SLC12A5: variants seen among roughly 807,000 people sequenced by gnomAD.
The protein encoded by SLC12A5 is K-Cl cotransporter 2.
A neutral mutation model predicts 124.0 loss-of-function variants in SLC12A5; 18 were observed. That is an observed-to-expected ratio of 0.15 (90% confidence interval 0.10 to 0.22). The LOEUF (loss-of-function observed/expected upper bound fraction) is 0.22, where lower values mean the gene tolerates loss of function less well. Ranked by LOEUF, SLC12A5 falls within the 10% of genes least tolerant of loss-of-function variation. The probability of loss-of-function intolerance (pLI) is 1.00; values close to 1 mark genes in which losing one functional copy is unlikely to be tolerated. For synonymous variants in SLC12A5, 589 were observed against 568.0 expected (o/e 1.04, Z -0.53); for missense variants, 867 against 1,478.7 (o/e 0.59, Z 6.78).
chr20:46,036,264 C>G (rs552981372), intron 4 of SLC12A5: 1 of 275,018 alleles, frequency 3.6e-6, no homozygotes, highest in Non-Finnish European at 6.9e-6. Flanking sequence ...AATGAGATTA[C>G]ATGTCACAAA....
intron 18 of SLC12A5, among the ~76,000 whole-genome samples, chr20:46,052,375 T>C (rs1015091624): frequency 1.3e-5 from 2 of 152,254 alleles, no homozygotes; most frequent in Admixed American, 1.3e-4. Flanking sequence ...TCCATCTTTT[T>C]TGATGTGAAA....
At position 46,041,554 on chromosome 20, in the gene SLC12A5, C is replaced by T. The variant is rs1324741256; in HGVS notation, c.1066+14C>T. On this transcript the variant is annotated intron_variant, in intron 8 of 25. Transcript: ENST00000243964. ...GCCTCATCAAAGGTCTGCGGAGGGA[C>T]AAGGGCTGGCATCCAGGGAACGCTG... 1.2e-6 allele frequency: 2 copies of T among 1,612,940 alleles called. No homozygotes were observed. Among genetic ancestry groups the T allele is most frequent in the East Asian group, 2.2e-5 (1 of 44,872 alleles).
In SLC12A5 at chr20:46,056,900, G is replaced by A; in HGVS notation, c.3114G>A (p.Glu1038=). ...GCATCTCTTGTGTTTCCTGAAGGGAGTGGGAGAACTTGTAAGTGCTTCAGC... is the reference window on the plus strand; with the variant it reads ...GCATCTCTTGTGTTTCCTGAAGGGAATGGGAGAACTTGTAAGTGCTTCAGC... ...GIKDFFSMKP[E]WENLNQSNVR... Residue 1038 remains glutamate (E), a synonymous_variant, in exon 24 of 26, where the codon GAG becomes GAA. Transcript: ENST00000243964. The surrounding 1 kb of genome is among the most constrained non-coding windows in gnomAD (Gnocchi z 4.3). 1 of 1,614,126 alleles carries A rather than the reference G, an allele frequency of 6.2e-7. No individual in the cohort carries two copies. Among genetic ancestry groups the A allele is most frequent in the East Asian group, 2.2e-5 (1 of 44,888 alleles).
upstream of SLC12A5, among the ~76,000 whole-genome samples, chr20:46,028,312 G>T (rs2145472121): frequency 6.6e-6 from 1 of 152,218 alleles, no homozygotes; most frequent in Non-Finnish European, 1.5e-5. Flanking sequence ...CTCAGGACCG[G>T]CCTGTCCTCC....
intron 21 of SLC12A5, chr20:46,055,875 T>G (rs942856063): frequency 2.3e-6 from 1 of 442,684 alleles, no homozygotes; most frequent in Non-Finnish European, 4.1e-6. Context: ...ACCAGTGGAC[T>G]GAGGACTGAC....
chr20:46,030,429 G>A (rs2084438664), intron 1 of SLC12A5, among the ~76,000 whole-genome samples: 2 of 151,930 alleles, frequency 1.3e-5, no homozygotes, highest in Non-Finnish European at 2.9e-5. Flanking sequence ...TCCTTGCTCC[G>A]AGGTCTTGGG....
Position 46,045,389 on chromosome 20 carries a change from G to A in SLC12A5, c.1569+249G>A, listed in dbSNP as rs772335618. Among the ~76,000 whole-genome samples the A allele has an allele frequency of 6.6e-5, 10 of 152,200 alleles. No homozygotes were observed. Among genetic ancestry groups the A allele is most frequent in the Non-Finnish European group, 1.5e-4 (10 of 68,032 alleles). On this transcript the variant is annotated intron_variant, in intron 12 of 25. Coordinates refer to ENST00000243964, the MANE Select transcript of SLC12A5 (RefSeq NM_020708.5). The surrounding 1 kb of genome is among the most constrained non-coding windows in gnomAD (Gnocchi z 4.9). ...GGCTTCTCCTTCACCCAGATGGAAG[G>A]ATAAGTGTGTCTTACTTGGGATTTG... is the stretch of plus-strand genomic sequence containing the variant.
intron 18 of SLC12A5, 78 bp downstream of exon 18, chr20:46,051,948 T>A: frequency 2.4e-6 from 3 of 1,261,542 alleles, no homozygotes; most frequent in Non-Finnish European, 3.2e-6. Flanking sequence ...TTTCCGCTCC[T>A]TTGGGCCTGA....
intron 8 of SLC12A5, among the ~76,000 whole-genome samples, chr20:46,041,930 G>GGT (rs1015141967): frequency 6.6e-6 from 1 of 152,018 alleles, no homozygotes; most frequent in African/African-American, 2.4e-5. Flanking sequence ...AATGCCCGGG[G>GGT]GGGGAGAGTT....
In SLC12A5 at chr20:46,045,215, C is replaced by A. The variant is rs1241157757; in HGVS notation, c.1569+75C>A. 1.3e-6 allele frequency: 2 copies of A among 1,483,198 alleles called. No individual in the cohort carries two copies. The highest frequency in any genetic ancestry group is 2.3e-5 in the East Asian group (1 of 43,490). 91.9% of individuals were successfully genotyped at this position (1,483,198 alleles called of 1,614,324 possible). A position where few individuals can be genotyped will look rare whatever the true frequency, so the allele number is the denominator to read the frequency against. On this transcript the variant is annotated intron_variant, in intron 12 of 25. Coordinates refer to ENST00000243964, the MANE Select transcript of SLC12A5 (RefSeq NM_020708.5). The surrounding 1 kb of genome is among the most constrained non-coding windows in gnomAD (Gnocchi z 4.9). ...TGCCCAGAGAGACCACACAGTGACC[C>A]AGGGCCATAACCAGCCTTAGACTAC...
chr20:46,048,413 G>A (rs968363751), intron 16 of SLC12A5, among the ~76,000 whole-genome samples: 1 of 152,082 alleles, frequency 6.6e-6, no homozygotes, highest in East Asian at 1.9e-4. Context: ...CTAGTCTCTG[G>A]GGATGTAGGA....
At position 46,035,863 on chromosome 20, in the gene SLC12A5, G is replaced by C; in HGVS notation, c.366G>C (p.Trp122Cys). ...TCATCCTCTTCCTGCGGCTCACCTG[G>C]GTGGTGGGCATTGCAGGCATCATGG... Reference protein sequence around the residue: ...FGVILFLRLTWVVGIAGIMES... With the variant: ...FGVILFLRLTCVVGIAGIMES... The change falls in exon 4 of 26, where the codon TGG becomes TGC. Residue 122 changes from tryptophan to cysteine, a missense_variant. Trp to Cys is a radical substitution (Grantham distance 215). Around this residue, in one of 9 missense-constraint regions of SLC12A5, gnomAD observed 126 missense variants for 291.6 expected, o/e 0.43. Coordinates refer to ENST00000243964, the MANE Select transcript of SLC12A5 (RefSeq NM_020708.5). 6.2e-7 allele frequency: 1 copy of C among 1,614,138 alleles called. No homozygotes were observed. Among genetic ancestry groups the C allele is most frequent in the Non-Finnish European group, 8.5e-7 (1 of 1,179,984 alleles).
downstream of SLC12A5, chr20:46,023,643 C>T (rs1234557221): frequency 1.0e-5 from 4 of 393,882 alleles, no homozygotes; most frequent in African/African-American, 2.1e-5. Context: ...TCTCCCACCT[C>T]CATCAGCCAG....
intron 1 of SLC12A5, among the ~76,000 whole-genome samples, chr20:46,030,090 T>G (rs1351845947): frequency 6.6e-6 from 1 of 152,018 alleles, no homozygotes; most frequent in Admixed American, 6.5e-5. Flanking sequence ...CTCCATAGAT[T>G]TTCAGCTCTA....
At position 46,035,935 on chromosome 20, in the gene SLC12A5, C is replaced by G. The variant is rs769964319; in HGVS notation, c.426+12C>G. On this transcript the variant is annotated intron_variant, in intron 4 of 25. Transcript: ENST00000243964. The stretch of plus-strand genomic sequence containing the variant: ...TCTGCTGCTCCTGTGTGAGTGACAC[C>G]CCTCCCCTCACCACCCCCTGACAGC... The G allele has an allele frequency of 6.3e-6, 10 of 1,599,874 alleles. No homozygotes were observed. Among genetic ancestry groups the G allele is most frequent in the Admixed American group, 1.7e-5 (1 of 59,560 alleles).
At chr20:46,052,833 A>G in intron 18 of SLC12A5, 124 bp from the exon 19 acceptor site, 2 of 1,076,598 alleles carry the variant, frequency 1.9e-6, no homozygotes, top group Non-Finnish European at 2.6e-6. Context: ...CACTCAGCCC[A>G]TGGCCAAGGC....
At position 46,039,071 on chromosome 20, in the gene SLC12A5, C is replaced by T. The variant is rs139156682; in HGVS notation, c.613-1302C>T. ...GAAATAAGTCACCCAAAGAAAATAA[C>T]CATTAACATTTTGGTGTATTGCCTT... is the stretch of plus-strand genomic sequence containing the variant. On this transcript the variant is annotated intron_variant, in intron 6 of 25. Transcript: ENST00000243964. 3.6e-3 allele frequency among the ~76,000 whole-genome samples: 548 copies of T among 152,330 alleles called. 6 individuals carry two copies. The highest frequency in any genetic ancestry group is 0.013 in the African/African-American group (532 of 41,574).
intron 20 of SLC12A5, among the ~76,000 whole-genome samples, 174 bp from the exon 21 acceptor site, chr20:46,054,742 G>A (rs556941801): frequency 1.1e-4 from 16 of 152,274 alleles, no homozygotes; most frequent in South Asian, 1.0e-3. Flanking sequence ...TCTCTGCTAC[G>A]TCCTTGCCTC....
At chr20:46,046,023 C>CT in intron 13 of SLC12A5, 27 bp downstream of exon 13, 1 of 1,600,476 alleles carries the variant, frequency 6.2e-7, no homozygotes, top group South Asian at 1.1e-5. Context: ...TTGCCCTCCC[C>CT]CCTGGTTCAG....
Sources: allele counts gnomAD v4.1 joint callset (sites outside exome capture counted in the v4.1 genomes callset), GRCh38; gene constraint gnomAD v4.1.1; regional missense constraint gnomAD v4.1.1; non-coding constraint Gnocchi (gnomAD v3.1); transcripts MANE v1.5; gene names NCBI Gene and HGNC (gene_info 2026-07-23, HGNC 2026-07-21).